Variants in CNTN3 observed in about 807,000 individuals in gnomAD.
CNTN3 encodes the protein contactin-3.
A neutral mutation model predicts 119.1 loss-of-function variants in CNTN3; 60 were observed. That is an observed-to-expected ratio of 0.50 (90% CI 0.41 to 0.62). CNTN3 has a LOEUF of 0.62. Ranked by LOEUF, CNTN3 falls within the 20% of genes least tolerant of loss-of-function variation. The probability of loss-of-function intolerance (pLI) is 0.00; values close to 1 mark genes in which losing one functional copy is unlikely to be tolerated. For missense variants in CNTN3, 1,101 were observed against 1,242.4 expected (o/e 0.89, Z 1.71); for synonymous variants, 450 against 438.7 (o/e 1.03, Z -0.32).
Position 74,291,326 on chromosome 3 carries a change from G to A in CNTN3, c.2517+3795C>T, listed in dbSNP as rs986211533. Among the ~76,000 whole-genome samples, 8 of 152,248 alleles carry A rather than the reference G, an allele frequency of 5.3e-5. No individual in the cohort carries two copies. The South Asian group carries it at 1.0e-3, about 20-fold the overall frequency. ...TGATGGACATTTGGGTTGGTTCCAAGTCTTTGCTATTGTGAATAGTGCCAC... is the reference window on the plus strand; with the variant it reads ...TGATGGACATTTGGGTTGGTTCCAAATCTTTGCTATTGTGAATAGTGCCAC... On this transcript the variant is annotated intron_variant, in intron 19 of 22. Transcript: ENST00000263665.
At chr3:74,451,404 C>G (rs1702151780) in intron 4 of CNTN3, among the ~76,000 whole-genome samples, 2 of 151,916 alleles carry the variant, frequency 1.3e-5, no homozygotes, top group South Asian at 4.2e-4. Context: ...ATTGTAGATT[C>G]TGGATATTAG....
chr3:74,595,683 C>T (rs893421834), intron 1 of CNTN3, among the ~76,000 whole-genome samples: 23 of 151,976 alleles, frequency 1.5e-4, no homozygotes. Flanking sequence ...ATTGATGGGA[C>T]ATATCTCAAA....
chr3:74,607,883 T>G (rs1705019227), intron 1 of CNTN3, among the ~76,000 whole-genome samples: 1 of 152,154 alleles, frequency 6.6e-6, no homozygotes, highest in African/African-American at 2.4e-5. Flanking sequence ...GATAAAACCG[T>G]GTAGGGCTAT....
chr3:74,301,842 T>G, intron 14 of CNTN3, 37 bp from the exon 15 acceptor site: 1 of 1,602,142 alleles, frequency 6.2e-7, no homozygotes, highest in Middle Eastern at 1.7e-4. Flanking sequence ...GAGTAGCAGT[T>G]CCATAAATGT....
intron 5 of CNTN3, among the ~76,000 whole-genome samples, chr3:74,413,810 G>T (rs540937702): frequency 6.6e-6 from 1 of 152,180 alleles, no homozygotes; most frequent in Admixed American, 6.5e-5. Context: ...ATTTAATGAG[G>T]AAAAACAGGT....
chr3:74,494,898 C>T (rs992432678), intron 3 of CNTN3, among the ~76,000 whole-genome samples: 2 of 152,038 alleles, frequency 1.3e-5, no homozygotes, highest in African/African-American at 2.4e-5. Flanking sequence ...TGCAATGCAA[C>T]GGTTGGGCAC....
chr3:74,311,336 T>A (rs892395681), intron 13 of CNTN3, among the ~76,000 whole-genome samples: 3 of 152,114 alleles, frequency 2.0e-5, no homozygotes, highest in Non-Finnish European at 4.4e-5. Flanking sequence ...AGGTTTGATA[T>A]CAGCTGTAAC....
chr3:74,365,732 A>G, intron 8 of CNTN3, 30 bp from the exon 9 acceptor site: 2 of 1,589,854 alleles, frequency 1.3e-6, no homozygotes, highest in South Asian at 1.1e-5. Context: ...AAAAGAAAAG[A>G]AATTTAAACC....
intron 11 of CNTN3, among the ~76,000 whole-genome samples, chr3:74,359,027 T>C (rs140667012): frequency 6.6e-6 from 1 of 152,050 alleles, no homozygotes; most frequent in East Asian, 1.9e-4. Context: ...ACATTTGGGT[T>C]GTGTATTCTT....
At chr3:74,386,993 T>C (rs1374556443) in intron 5 of CNTN3, among the ~76,000 whole-genome samples, 1 of 152,168 alleles carries the variant, frequency 6.6e-6, no homozygotes, top group Non-Finnish European at 1.5e-5. Flanking sequence ...AAATGGTGTC[T>C]GAGGCGGCAG....
intron 4 of CNTN3, among the ~76,000 whole-genome samples, chr3:74,464,096 G>T (rs975666185): frequency 1.3e-5 from 2 of 152,064 alleles, no homozygotes; most frequent in Admixed American, 6.6e-5. Context: ...ATGAACTTTA[G>T]AAGGAAAAAT....
At chr3:74,319,276 C>T (rs924688901) in intron 13 of CNTN3, among the ~76,000 whole-genome samples, 4 of 152,256 alleles carry the variant, frequency 2.6e-5, no homozygotes, top group African/African-American at 4.8e-5. Context: ...TACTACAAGG[C>T]TACAGTAACC....
intron 1 of CNTN3, among the ~76,000 whole-genome samples, chr3:74,590,400 C>A (rs1280608242): frequency 2.0e-5 from 3 of 151,934 alleles, no homozygotes. Flanking sequence ...AGACAATGGA[C>A]CAAATGGTAA....
chr3:74,491,983 A>C (rs1340068403), intron 3 of CNTN3, among the ~76,000 whole-genome samples: 2 of 152,152 alleles, frequency 1.3e-5, no homozygotes, highest in Admixed American at 1.3e-4. Flanking sequence ...ACACCCCAGC[A>C]TTTCAATCAT....
Position 74,353,656 on chromosome 3 carries a change from C to T in CNTN3, c.1364+8234G>A, listed in dbSNP as rs375866128. ...CTGTAGTCCCAGCTACTCGGGAGGC[C>T]GAGGCAGGAGAATGGCGTGAACCCG... On this transcript the variant is annotated intron_variant, in intron 11 of 22. Transcript: ENST00000263665. Among the ~76,000 whole-genome samples, 115 of 151,722 alleles carry T rather than the reference C, an allele frequency of 7.6e-4. No individual in the cohort carries two copies. The East Asian group carries it at 0.021, about 27-fold the overall frequency.
intron 4 of CNTN3, among the ~76,000 whole-genome samples, chr3:74,462,345 T>G (rs1702385693): frequency 1.3e-5 from 2 of 152,082 alleles, no homozygotes; most frequent in Admixed American, 1.3e-4. Flanking sequence ...ATAGAAGACC[T>G]AATGTCATTT....
chr3:74,368,044 G>A (rs1704241597), intron 8 of CNTN3, among the ~76,000 whole-genome samples: 1 of 152,024 alleles, frequency 6.6e-6, no homozygotes, highest in Non-Finnish European at 1.5e-5. Flanking sequence ...TGAAACCTGG[G>A]TAAGTTCTGT....
At chr3:74,599,094 C>T (rs1034591862) in intron 1 of CNTN3, among the ~76,000 whole-genome samples, 5 of 152,094 alleles carry the variant, frequency 3.3e-5, no homozygotes, top group Middle Eastern at 3.4e-3. Flanking sequence ...TTGAGTGATG[C>T]TAAAAATCTG....
intron 20 of CNTN3, among the ~76,000 whole-genome samples, chr3:74,276,871 T>C (rs774532110): frequency 6.6e-6 from 1 of 151,998 alleles, no homozygotes; most frequent in Non-Finnish European, 1.5e-5. Flanking sequence ...ATAAATAAAA[T>C]TGATAGATCA....
Sources: gnomAD v4.1 joint callset for allele counts (sites outside exome capture counted in the v4.1 genomes callset) on GRCh38, gnomAD v4.1.1 for gene constraint, MANE v1.5 for transcripts, NCBI Gene and HGNC (gene_info 2026-07-23, HGNC 2026-07-21) for gene names.